The following POU2F1 variants were observed in gnomAD, a reference collection of about 807,000 sequenced individuals.
POU2F1 encodes POU class 2 homeobox 1, also known as POU domain, class 2, transcription factor 1.
Under a neutral mutation model 84.9 loss-of-function variants are expected in POU2F1, and 16 were observed. That is an observed-to-expected ratio of 0.19 (90% CI 0.13 to 0.29). POU2F1 has a LOEUF of 0.29. Among genes scored for constraint, POU2F1 ranks in the 10% least tolerant of loss-of-function variants. The pLI, the probability that POU2F1 is intolerant of heterozygous loss-of-function variation, is 1.00. For missense variants in POU2F1, 738 were observed against 942.6 expected (o/e 0.78, Z 2.84); for synonymous variants, 368 against 368.3 (o/e 1.00, Z 0.01).
chr1:167,287,470 A>G (rs1464093998), intron 1 of POU2F1, among the ~76,000 whole-genome samples: 1 of 152,246 alleles, frequency 6.6e-6, no homozygotes, highest in African/African-American at 2.4e-5. Context: ...ACAACATCAG[A>G]AAGTTGCAGC....
At chr1:167,353,645 A>G (rs1658737557) in intron 2 of POU2F1, among the ~76,000 whole-genome samples, 1 of 152,114 alleles carries the variant, frequency 6.6e-6, no homozygotes, top group South Asian at 2.1e-4. Context: ...CCTTGGCTTC[A>G]TTATTACCTG....
intron 2 of POU2F1, among the ~76,000 whole-genome samples, chr1:167,348,285 T>C (rs1205177445): frequency 6.6e-6 from 1 of 152,172 alleles, no homozygotes; most frequent in Non-Finnish European, 1.5e-5. Context: ...AATAGGGTAT[T>C]ATAATCATGG....
At position 167,220,961 on chromosome 1, in the gene POU2F1, A is replaced by C. The variant is rs1257291571; in HGVS notation, c.61+3A>C. 6.5e-7 allele frequency: 1 copy of C among 1,534,854 alleles called. No individual in the cohort carries two copies. Among genetic ancestry groups the C allele is most frequent in the Non-Finnish European group, 8.7e-7 (1 of 1,146,358 alleles). On this transcript the variant is annotated splice_donor_region_variant and intron_variant, in intron 1 of 15. Transcript: ENST00000367866. ...AGCCGCGGCGGCAGCAGCAGCAGGT[A>C]ATCATTACAGCATTTTACATATTCA...
At chr1:167,339,976 TTCTCTTTTTATAAATAAGGG>T (rs962204440) in intron 2 of POU2F1, among the ~76,000 whole-genome samples, 1 of 152,246 alleles carries the variant, frequency 6.6e-6, no homozygotes. Flanking sequence ...AACATTATTT[TTCTCTTTTTATAAATAAGGG>T]TCTCTTTTTA....
chr1:167,382,101 TGATA>T (rs1345717186), intron 7 of POU2F1, among the ~76,000 whole-genome samples: 1 of 152,216 alleles, frequency 6.6e-6, no homozygotes, highest in African/African-American at 2.4e-5. Context: ...TATAGTGCTC[TGATA>T]GTTAGGGATG....
chr1:167,410,231 C>G (rs984104492), intron 13 of POU2F1, among the ~76,000 whole-genome samples: 4 of 152,052 alleles, frequency 2.6e-5, no homozygotes, highest in African/African-American at 4.8e-5. Flanking sequence ...TTATGTTTAC[C>G]TCATTCATTT....
chr1:167,317,252 C>T (rs1382418856), intron 1 of POU2F1, among the ~76,000 whole-genome samples: 2 of 152,194 alleles, frequency 1.3e-5, no homozygotes, highest in African/African-American at 2.4e-5. Context: ...TGTGTTAAAA[C>T]TCTGTAGTGA....
At chr1:167,226,509 T>C (rs1648642910) in intron 1 of POU2F1, among the ~76,000 whole-genome samples, 1 of 152,248 alleles carries the variant, frequency 6.6e-6, no homozygotes, top group Non-Finnish European at 1.5e-5. Flanking sequence ...TACCGAAGTA[T>C]TTCTGTGTTC....
chr1:167,405,541 A>T (rs1463547568), intron 13 of POU2F1, among the ~76,000 whole-genome samples: 1 of 151,852 alleles, frequency 6.6e-6, no homozygotes, highest in Admixed American at 6.6e-5. Flanking sequence ...GAGCAAAATT[A>T]GCCAGGCGTG....
At chr1:167,242,434 G>T (rs892322294) in intron 1 of POU2F1, among the ~76,000 whole-genome samples, 1 of 152,166 alleles carries the variant, frequency 6.6e-6, no homozygotes, top group African/African-American at 2.4e-5. Context: ...GCTGGTACTT[G>T]AAAAACATGG....
rs1650594270 is a variant in POU2F1 at position 167,420,668 on chromosome 1, A to G, written c.*4858A>G. On this transcript the variant is annotated 3_prime_UTR_variant, in exon 16 of 16. Coordinates refer to ENST00000367866, the MANE Select transcript of POU2F1 (RefSeq NM_002697.4). ...AGCCTCTTGCTGTTGTTTCTTCCCA[A>G]GAAAGGAGAAGCCCTGCCAGGGAGA... is the stretch of plus-strand genomic sequence containing the variant. 1 of 152,218 alleles carries G rather than the reference A, an allele frequency of 6.6e-6. No homozygotes were observed. Among genetic ancestry groups the G allele is most frequent in the Non-Finnish European group, 1.5e-5 (1 of 68,054 alleles). 9.4% of individuals were successfully genotyped at this position (152,218 alleles called of 1,614,324 possible).
At chr1:167,382,647 T>C (rs1228856268) in intron 7 of POU2F1, among the ~76,000 whole-genome samples, 1 of 152,220 alleles carries the variant, frequency 6.6e-6, no homozygotes, top group Non-Finnish European at 1.5e-5. Flanking sequence ...AGGATGGTCA[T>C]TTAAACTTCC....
chr1:167,393,590 CT>C (rs1338811868), intron 9 of POU2F1, among the ~76,000 whole-genome samples: 1 of 152,112 alleles, frequency 6.6e-6, no homozygotes, highest in Non-Finnish European at 1.5e-5. Context: ...CCTCAAACTT[CT>C]GGGGTCAAGT....
intron 6 of POU2F1, among the ~76,000 whole-genome samples, chr1:167,374,535 G>A (rs114740863): frequency 0.014 from 2,062 of 152,254 alleles, 40 homozygotes; most frequent in African/African-American, 0.046. Context: ...TTTATATTAA[G>A]TGACAATTCT....
chr1:167,255,931 G>T (rs748937235), intron 1 of POU2F1, among the ~76,000 whole-genome samples: 2 of 152,226 alleles, frequency 1.3e-5, no homozygotes, highest in Admixed American at 6.5e-5. Context: ...ATAAGAGAAG[G>T]TGTAGAGAAC....
intron 1 of POU2F1, among the ~76,000 whole-genome samples, chr1:167,257,394 G>C (rs1651219863): frequency 6.6e-6 from 1 of 152,108 alleles, no homozygotes; most frequent in African/African-American, 2.4e-5. Flanking sequence ...AATGATGAGA[G>C]GTGGATGGCA....
chr1:167,358,034 C>T (rs2101807946), intron 2 of POU2F1, among the ~76,000 whole-genome samples: 1 of 151,796 alleles, frequency 6.6e-6, no homozygotes, highest in South Asian at 2.1e-4. Context: ...GATCTCTTGA[C>T]CTCGTGATCT....
chr1:167,294,138 C>G (rs1336193110), intron 1 of POU2F1, among the ~76,000 whole-genome samples: 1 of 140,936 alleles, frequency 7.1e-6, no homozygotes, highest in Non-Finnish European at 1.5e-5. Context: ...CAAGACCATC[C>G]TGATCTCAGT....
At chr1:167,270,616 T>C (rs1032577650) in intron 1 of POU2F1, among the ~76,000 whole-genome samples, 1 of 152,234 alleles carries the variant, frequency 6.6e-6, no homozygotes, top group Non-Finnish European at 1.5e-5. Flanking sequence ...CCTCTGCCTC[T>C]GGTCATACAT....
Sources: gnomAD v4.1 joint callset for allele counts (sites outside exome capture counted in the v4.1 genomes callset) on GRCh38, gnomAD v4.1.1 for gene constraint, MANE v1.5 for transcripts, NCBI Gene and HGNC (gene_info 2026-07-23, HGNC 2026-07-21) for gene names.